Variants in ADGB observed in about 807,000 individuals in gnomAD.
ADGB encodes the protein androglobin, also known as calpain-7-like protein.
ADGB carries 172 observed loss-of-function variants against 210.5 expected under a neutral mutation model. The ratio of observed to expected loss-of-function variants is 0.82; its 90% CI spans 0.72 to 0.93. ADGB has a LOEUF of 0.93. Ranked by LOEUF, ADGB falls within the 40% of genes least tolerant of loss-of-function variation. The pLI, the probability that ADGB is intolerant of heterozygous loss-of-function variation, is 0.00. For synonymous variants in ADGB, 658 were observed against 662.7 expected (o/e 0.99, Z 0.11); for missense variants, 2,025 against 1,964.8 (o/e 1.03, Z -0.58).
At chr6:146,740,975 T>A (rs1777156249) in intron 24 of ADGB, 143 bp from the exon 25 acceptor site, 2 of 580,700 alleles carry the variant, frequency 3.4e-6, no homozygotes, top group East Asian at 3.3e-5. Flanking sequence ...ATATTAATAG[T>A]AATTTTTAAA....
chr6:146,764,037 C>T lies in ADGB; in HGVS notation c.3687C>T (p.Pro1229=), dbSNP rs1319373368. Reference sequence around the variant, plus strand: ...GTGCAATACAAGACATTGGTCTACCCCTTGTGGAGGAGGAAACTACCAGTA... The same window carrying T: ...GTGCAATACAAGACATTGGTCTACCTCTTGTGGAGGAGGAAACTACCAGTA... ...AVSAIQDIGL[P]LVEEETTSTP... Residue 1229 remains proline (P), a synonymous_variant, in exon 28 of 36, where the codon CCC becomes CCT. Coordinates refer to ENST00000397944, the MANE Select transcript of ADGB (RefSeq NM_024694.4). 3.2e-6 allele frequency: 5 copies of T among 1,551,270 alleles called. No homozygotes were observed. In the African/African-American group the frequency reaches 6.8e-5, roughly 21 times the overall value.
chr6:146,765,032 C>T (rs142594010), intron 28 of ADGB, among the ~76,000 whole-genome samples: 1,633 of 152,222 alleles, frequency 0.011, 19 homozygotes, highest in Non-Finnish European at 0.019. Context: ...AATGCCTGAC[C>T]TCATGATCCA....
rs75498320 is a variant in ADGB, at chr6:146,682,976, C to T, written c.1217-2758C>T. ...ATGCAACCATATTGGGAGGTGGGGCCTAATGAGAGGTAATTAGGCCATGAG... is the reference window on the plus strand; with the variant it reads ...ATGCAACCATATTGGGAGGTGGGGCTTAATGAGAGGTAATTAGGCCATGAG... On this transcript the variant is annotated intron_variant, in intron 9 of 35. Transcript: ENST00000397944. 1.7e-3 allele frequency among the ~76,000 whole-genome samples: 265 copies of T among 151,996 alleles called. 4 individuals are homozygous for T. In the East Asian group the frequency reaches 0.027, roughly 15 times the overall value.
Position 146,728,678 on chromosome 6 carries a change from T to C in ADGB, c.2457T>C (p.Asp819=). 6.4e-7 allele frequency: 1 copy of C among 1,551,566 alleles called. No individual in the cohort carries two copies. The highest frequency in any genetic ancestry group is 8.7e-7 in the Non-Finnish European group (1 of 1,146,888). ...GTAAACTCTCTGCAGCTTTGAAGGATCTGCAAACAGCTCACTACCCTGTCC... is the reference window on the plus strand; with the variant it reads ...GTAAACTCTCTGCAGCTTTGAAGGACCTGCAAACAGCTCACTACCCTGTCC... The part of the protein sequence containing the change: ...DKGKLSAALK[D]LQTAHYPVPF... The change falls in exon 20 of 36, where the codon GAT becomes GAC. Residue 819 remains aspartate, a synonymous_variant. Coordinates refer to ENST00000397944, the MANE Select transcript of ADGB (RefSeq NM_024694.4).
At position 146,788,559 on chromosome 6, in the gene ADGB, T is replaced by C. The variant is rs1187743267; in HGVS notation, c.4486T>C (p.Ser1496Pro). Residue 1496 changes from serine to proline, a missense_variant, in exon 33 of 36, where the codon TCT becomes CCT. Physicochemically the swap from Ser to Pro is moderately conservative, Grantham distance 74. Coordinates refer to ENST00000397944, the MANE Select transcript of ADGB (RefSeq NM_024694.4). ...KSTSSESGGV[S>P]SPGKEEREQS... ...CACGAGTAGCGAAAGTGGAGGAGTG[T>C]CTTCACCAGGGAAAGAAGAGCGCGA... 1.9e-6 allele frequency: 3 copies of C among 1,551,458 alleles called. No individual in the cohort carries two copies. The highest frequency in any genetic ancestry group is 2.6e-6 in the Non-Finnish European group (3 of 1,146,928).
At chr6:146,755,348 G>T (rs779376311) in intron 27 of ADGB, among the ~76,000 whole-genome samples, 7 of 152,014 alleles carry the variant, frequency 4.6e-5, no homozygotes, top group Non-Finnish European at 1.0e-4. Context: ...AATCCAAATT[G>T]TAATCTCCAC....
At chr6:146,751,958 G>A (rs1390800738) in intron 26 of ADGB, among the ~76,000 whole-genome samples, 1 of 152,012 alleles carries the variant, frequency 6.6e-6, no homozygotes, top group Non-Finnish European at 1.5e-5. Context: ...AATAACTCCA[G>A]TATTTTCAGG....
At chr6:146,646,640 T>G (rs1340266196) in intron 3 of ADGB, among the ~76,000 whole-genome samples, 2 of 152,154 alleles carry the variant, frequency 1.3e-5, no homozygotes, top group Non-Finnish European at 2.9e-5. Flanking sequence ...GTCCATGACC[T>G]GACTGGAAGT....
rs1777809856 is a variant in ADGB, at chr6:146,782,110, AAAC to A, written c.3959_3961del (p.Thr1320del). 2 of 1,548,812 alleles carry A rather than the reference AAAC, an allele frequency of 1.3e-6. No homozygotes were observed. Among genetic ancestry groups the A allele is most frequent in the Middle Eastern group, 1.7e-4 (1 of 5,984 alleles). On this transcript the variant is annotated inframe_deletion, in exon 30 of 36. Coordinates refer to ENST00000397944, the MANE Select transcript of ADGB (RefSeq NM_024694.4). ...GGACAAAAATCTTCAGTAACTTCCA[AAAC>A]AACAAGGAAAGGCAAAGAAAAGTCT...
At chr6:146,606,088 T>C (rs186684211) in intron 1 of ADGB, among the ~76,000 whole-genome samples, 2 of 152,152 alleles carry the variant, frequency 1.3e-5, no homozygotes, top group Admixed American at 6.5e-5. Flanking sequence ...CCTGCATCTG[T>C]TATTTTTTGA....
intron 5 of ADGB, among the ~76,000 whole-genome samples, chr6:146,663,283 G>A (rs1315484867): frequency 2.0e-5 from 3 of 149,090 alleles, no homozygotes; most frequent in Admixed American, 6.8e-5. Flanking sequence ...GAATACTATA[G>A]ACTGGTGACT....
Position 146,635,829 on chromosome 6 carries a change from T to C in ADGB, c.237+292T>C, listed in dbSNP as rs535161689. On this transcript the variant is annotated intron_variant, in intron 2 of 35. Transcript: ENST00000397944. The stretch of plus-strand genomic sequence containing the variant: ...ATAGGGCAGGTTAGCCAGTCGACAT[T>C]GGACAGAGTTTGGAAACAGGCATTT... Among the ~76,000 whole-genome samples, 71 of 152,082 alleles carry C rather than the reference T, an allele frequency of 4.7e-4. 1 individual carries two copies. Among genetic ancestry groups the C allele is most frequent in the Middle Eastern group, 3.4e-3 (1 of 294 alleles).
intron 8 of ADGB, among the ~76,000 whole-genome samples, chr6:146,674,639 G>A (rs1276974801): frequency 6.6e-6 from 1 of 152,148 alleles, no homozygotes; most frequent in Admixed American, 6.6e-5. Flanking sequence ...AAGTGAGGTG[G>A]AGGTGGAAGA....
At chr6:146,671,303 G>A (rs1243039123) in intron 7 of ADGB, among the ~76,000 whole-genome samples, 1 of 152,088 alleles carries the variant, frequency 6.6e-6, no homozygotes, top group Non-Finnish European at 1.5e-5. Flanking sequence ...GTATTCTTGA[G>A]GGGGGTCTTC....
chr6:146,783,504 A>C (rs1777830775), intron 30 of ADGB, among the ~76,000 whole-genome samples: 1 of 152,172 alleles, frequency 6.6e-6, no homozygotes, highest in Non-Finnish European at 1.5e-5. Context: ...GTCTCTGATA[A>C]ATTCATGTAT....
At chr6:146,728,479 T>C (rs1393657460) in intron 19 of ADGB, 95 bp from the exon 20 acceptor site, 2 of 1,208,684 alleles carry the variant, frequency 1.7e-6, no homozygotes, top group African/African-American at 3.0e-5. Flanking sequence ...TTGAATCATA[T>C]AGCAGAGATT....
chr6:146,669,166 T>C (rs539673182), intron 7 of ADGB, among the ~76,000 whole-genome samples: 1 of 152,226 alleles, frequency 6.6e-6, no homozygotes, highest in African/African-American at 2.4e-5. Flanking sequence ...TAATACTGTA[T>C]AATGTTCCAG....
At chr6:146,793,276 G>T (rs259399) in intron 33 of ADGB, among the ~76,000 whole-genome samples, 3 of 151,956 alleles carry the variant, frequency 2.0e-5, no homozygotes, top group Non-Finnish European at 2.9e-5. Context: ...AGTGCTGATT[G>T]GTGCATTTTA....
intron 19 of ADGB, among the ~76,000 whole-genome samples, chr6:146,726,717 A>G (rs150600106): frequency 2.0e-5 from 3 of 152,322 alleles, no homozygotes; most frequent in Non-Finnish European, 4.4e-5. Context: ...ACTTTTCTCT[A>G]ACAACTGCTC....
Sources: gnomAD v4.1 joint callset for allele counts (sites outside exome capture counted in the v4.1 genomes callset) on GRCh38, gnomAD v4.1.1 for gene constraint, MANE v1.5 for transcripts, NCBI Gene and HGNC (gene_info 2026-07-23, HGNC 2026-07-21) for gene names.